NSD3: variants seen among roughly 807,000 people sequenced by gnomAD.
NSD3 encodes the protein nuclear receptor binding SET domain protein 3, also known as histone-lysine N-methyltransferase NSD3.
A neutral mutation model predicts 160.8 loss-of-function variants in NSD3; 24 were observed. The ratio of observed to expected loss-of-function variants is 0.15; its 90% CI spans 0.11 to 0.21. The LOEUF (loss-of-function observed/expected upper bound fraction) is 0.21. Ranked by LOEUF, NSD3 falls within the 10% of genes least tolerant of loss-of-function variation. NSD3 has a pLI of 1.00. For synonymous variants in NSD3, 520 were observed against 600.0 expected, an observed-to-expected ratio of 0.87 and a Z score of 1.95; for missense variants, 1,157 against 1,735.9, an observed-to-expected ratio of 0.67 and a Z score of 5.93.
chr8:38,275,701 G>C lies in NSD3; in HGVS notation c.4254C>G (p.Tyr1418Ter). Residue 1418 changes from tyrosine to a stop codon, truncating the protein, a stop_gained, in exon 24 of 24, where the codon TAC becomes TAG. Coordinates refer to ENST00000317025, the MANE Select transcript of NSD3 (RefSeq NM_023034.2). LOFTEE classifies it high-confidence loss of function. ...HDPMAPVSPE[Y>*]WSKIKCKWES... is the part of the protein sequence containing the mutation. ...CCCATTTACATTTTATCTTGCTCCAGTATTCTGGTGACACAGGAGCCATGG... is the reference window on the plus strand; with the variant it reads ...CCCATTTACATTTTATCTTGCTCCACTATTCTGGTGACACAGGAGCCATGG... The C allele has an allele frequency of 6.2e-7, 1 of 1,614,150 alleles. No homozygotes were observed. Among genetic ancestry groups the C allele is most frequent in the Non-Finnish European group, 8.5e-7 (1 of 1,180,020 alleles).
At chr8:38,297,565 T>G (rs1328698118) in intron 15 of NSD3, among the ~76,000 whole-genome samples, 1 of 152,206 alleles carries the variant, frequency 6.6e-6, no homozygotes, top group African/African-American at 2.4e-5. Flanking sequence ...CAGAAAATCT[T>G]GTCTTCCTAT....
At chr8:38,297,542 GCTACCAATTTTCCAGAAAATCTTGTCTTC>G (rs1809181262) in intron 15 of NSD3, among the ~76,000 whole-genome samples, 1 of 152,136 alleles carries the variant, frequency 6.6e-6, no homozygotes, top group South Asian at 2.1e-4. Context: ...CTGAGGGCTT[GCTACCAATTTTCCAGAAAATCTTGTCTTC>G]CTATAAATTT....
intron 1 of NSD3, among the ~76,000 whole-genome samples, chr8:38,371,935 C>A: frequency 6.6e-6 from 1 of 152,130 alleles, no homozygotes; most frequent in East Asian, 1.9e-4. Context: ...TTCTTGAAGG[C>A]CAGGAAAGCA....
chr8:38,328,742 G>T (rs1212085171), intron 6 of NSD3, among the ~76,000 whole-genome samples: 1 of 152,194 alleles, frequency 6.6e-6, no homozygotes, highest in Non-Finnish European at 1.5e-5. Context: ...TATTATGGAA[G>T]AGTTTTAAAG....
chr8:38,360,147 C>T (rs1225656153), intron 1 of NSD3, among the ~76,000 whole-genome samples: 1 of 152,082 alleles, frequency 6.6e-6, no homozygotes, highest in East Asian at 1.9e-4. Flanking sequence ...GGGCGTGCAC[C>T]ACCATGCCTG....
At chr8:38,323,732 G>GT (rs1809844801) in intron 7 of NSD3, among the ~76,000 whole-genome samples, 1 of 151,156 alleles carries the variant, frequency 6.6e-6, no homozygotes. Flanking sequence ...GGAGGCTGAG[G>GT]TAGGAGGATC....
At chr8:38,298,634 C>T (rs1809211615) in intron 15 of NSD3, among the ~76,000 whole-genome samples, 1 of 152,066 alleles carries the variant, frequency 6.6e-6, no homozygotes, top group Non-Finnish European at 1.5e-5. Flanking sequence ...TGGGAATGTA[C>T]ACAGGAAAAG....
At chr8:38,307,334 T>C (rs996881880) in intron 12 of NSD3, among the ~76,000 whole-genome samples, 3 of 151,956 alleles carry the variant, frequency 2.0e-5, no homozygotes, top group Non-Finnish European at 4.4e-5. Flanking sequence ...ACAGTGATAA[T>C]ACCAATTATT....
At chr8:38,357,199 G>A (rs1585919882) in intron 1 of NSD3, among the ~76,000 whole-genome samples, 1 of 145,876 alleles carries the variant, frequency 6.9e-6, no homozygotes, top group Admixed American at 7.0e-5. Flanking sequence ...GTGGTTTTAA[G>A]ATGTCATATA....
intron 1 of NSD3, among the ~76,000 whole-genome samples, chr8:38,370,568 T>C (rs1201602981): frequency 6.6e-6 from 1 of 152,180 alleles, no homozygotes; most frequent in African/African-American, 2.4e-5. Flanking sequence ...CTCTCTCAAA[T>C]GCATATAAAG....
chr8:38,361,377 GCC>G (rs1337360999), intron 1 of NSD3, among the ~76,000 whole-genome samples: 7 of 138,902 alleles, frequency 5.0e-5, no homozygotes, highest in African/African-American at 1.9e-4. Context: ...CAAGCCGCCT[GCC>G]TTGGCCTCCC....
Position 38,347,627 on chromosome 8 carries a change from G to C in NSD3, c.545C>G (p.Ala182Gly), listed in dbSNP as rs967714046. ...LCGDLLNEVQ[A>G]SEHTKSKHES... ...ATGCTTTGATTTCGTGTGCTCACTT[G>C]CCTGTACTTCATTTAAAAGGTCTCC... is the stretch of plus-strand genomic sequence containing the variant. The change falls in exon 2 of 24, where the codon GCA (alanine) becomes GGA (glycine). Residue 182 changes from alanine to glycine, a missense_variant. By Grantham distance (60) the Ala-to-Gly change is moderately conservative (BLOSUM62 0). This residue lies in a region of NSD3 where 99 missense variants were observed against 151.8 expected (regional missense o/e 0.65). Transcript: ENST00000317025. 15 of 1,613,490 alleles carry C rather than the reference G, an allele frequency of 9.3e-6. No individual in the cohort carries two copies. The highest frequency in any genetic ancestry group is 1.7e-5 in the Admixed American group (1 of 59,976).
At chr8:38,303,448 C>T in intron 14 of NSD3, 1 of 970,802 alleles carries the variant, frequency 1.0e-6, no homozygotes, top group Non-Finnish European at 1.2e-6. Context: ...CAGACAGTCA[C>T]ATGTGCTTAT....
intron 14 of NSD3, among the ~76,000 whole-genome samples, chr8:38,304,319 GAACTT>G (rs369653217): frequency 6.6e-6 from 1 of 152,136 alleles, no homozygotes; most frequent in African/African-American, 2.4e-5. Context: ...GAAAAACTAA[GAACTT>G]AACTATAATT....
At chr8:38,310,352 A>G (rs1809503837) in intron 12 of NSD3, among the ~76,000 whole-genome samples, 1 of 152,234 alleles carries the variant, frequency 6.6e-6, no homozygotes, top group Non-Finnish European at 1.5e-5. Context: ...TATGACATGT[A>G]TCACAATTTA....
chr8:38,365,939 T>A (rs1261985586), intron 1 of NSD3, among the ~76,000 whole-genome samples: 1 of 152,084 alleles, frequency 6.6e-6, no homozygotes, highest in Non-Finnish European at 1.5e-5. Context: ...CCATGTAGTA[T>A]AAAGTTTAAA....
chr8:38,369,090 A>G (rs964610309), intron 1 of NSD3, among the ~76,000 whole-genome samples: 3 of 152,194 alleles, frequency 2.0e-5, no homozygotes, highest in Non-Finnish European at 4.4e-5. Flanking sequence ...TATTATATCT[A>G]AATAATAATT....
chr8:38,336,750 T>C (rs1810226271), intron 4 of NSD3, among the ~76,000 whole-genome samples: 2 of 152,168 alleles, frequency 1.3e-5, no homozygotes, highest in Non-Finnish European at 1.5e-5. Flanking sequence ...AAGCAAATTA[T>C]AAGCAAATGT....
At chr8:38,336,820 T>C (rs1351268347) in intron 4 of NSD3, among the ~76,000 whole-genome samples, 1 of 152,194 alleles carries the variant, frequency 6.6e-6, no homozygotes, top group Non-Finnish European at 1.5e-5. Context: ...CAATTTAAAA[T>C]GACTATCAGT....
Sources: gnomAD v4.1 joint callset for allele counts (sites outside exome capture counted in the v4.1 genomes callset) on GRCh38, gnomAD v4.1.1 for gene constraint, gnomAD v4.1.1 regional missense constraint, MANE v1.5 for transcripts, NCBI Gene and HGNC (gene_info 2026-07-23, HGNC 2026-07-21) for gene names.